The following DLGAP2 variants were observed in gnomAD, a reference collection of about 807,000 sequenced individuals.
The protein encoded by DLGAP2 is disks large-associated protein 2.
A neutral mutation model predicts 100.3 loss-of-function variants in DLGAP2; 26 were observed. The observed-to-expected ratio is 0.26, with a 90% CI of 0.19 to 0.36. The LOEUF (loss-of-function observed/expected upper bound fraction) is 0.36, where lower values mean the gene tolerates loss of function less well. DLGAP2 is among the 10% of genes least tolerant of loss of function. DLGAP2 has a pLI of 1.00. For synonymous variants in DLGAP2, 886 were observed against 630.1 expected (o/e 1.41, Z -6.08); for missense variants, 1,858 against 1,453.2 (o/e 1.28, Z -4.53).
chr8:762,834 C>T (rs1321851601), intron 1 of DLGAP2, among the ~76,000 whole-genome samples: 1 of 152,062 alleles, frequency 6.6e-6, no homozygotes, highest in East Asian at 1.9e-4. Flanking sequence ...CACACCACTA[C>T]ACCAGGCTAG....
At chr8:1,466,240 G>T (rs1019431110) in intron 3 of DLGAP2, among the ~76,000 whole-genome samples, 1 of 152,120 alleles carries the variant, frequency 6.6e-6, no homozygotes, top group Admixed American at 6.5e-5. Context: ...CACAGAGTGG[G>T]CTTTGCTTTT....
chr8:1,153,460 C>G (rs937324843), intron 2 of DLGAP2, among the ~76,000 whole-genome samples: 6 of 152,150 alleles, frequency 3.9e-5, no homozygotes, highest in Non-Finnish European at 8.8e-5. Flanking sequence ...AGAAAGCTTA[C>G]CAGTCGCGTG....
At chr8:1,080,440 C>G (rs1803767967) in intron 2 of DLGAP2, among the ~76,000 whole-genome samples, 1 of 152,360 alleles carries the variant, frequency 6.6e-6, no homozygotes, top group East Asian at 1.9e-4. Flanking sequence ...AGCCTGTGCA[C>G]TCTGTGCTCA....
At chr8:1,166,409 C>A (rs1180335300) in intron 2 of DLGAP2, among the ~76,000 whole-genome samples, 1 of 152,228 alleles carries the variant, frequency 6.6e-6, no homozygotes, top group Non-Finnish European at 1.5e-5. Context: ...GATTTGACTT[C>A]TGATAGCTCA....
intron 2 of DLGAP2, among the ~76,000 whole-genome samples, chr8:1,100,738 C>T (rs1262129044): frequency 1.3e-5 from 2 of 152,186 alleles, no homozygotes; most frequent in African/African-American, 4.8e-5. Context: ...TCTCTTTCCA[C>T]GCATGATCTG....
chr8:835,182 C>T (rs544738143), intron 1 of DLGAP2, among the ~76,000 whole-genome samples: 1 of 152,242 alleles, frequency 6.6e-6, no homozygotes, highest in East Asian at 1.9e-4. Flanking sequence ...ATTGAATTCA[C>T]CAAACAACTG....
intron 2 of DLGAP2, among the ~76,000 whole-genome samples, chr8:1,243,369 C>T (rs1240307899): frequency 6.6e-6 from 1 of 152,190 alleles, no homozygotes; most frequent in Non-Finnish European, 1.5e-5. Context: ...CATACACCTA[C>T]AAACCCAGAC....
intron 2 of DLGAP2, among the ~76,000 whole-genome samples, chr8:1,120,346 T>C (rs945406349): frequency 1.3e-5 from 2 of 152,120 alleles, no homozygotes; most frequent in Non-Finnish European, 2.9e-5. Context: ...ATGAGAACAA[T>C]ACGAAGGGGC....
At chr8:824,401 C>T (rs751996056) in intron 1 of DLGAP2, among the ~76,000 whole-genome samples, 4 of 152,164 alleles carry the variant, frequency 2.6e-5, no homozygotes, top group Admixed American at 6.5e-5. Flanking sequence ...TTCTCTGGTT[C>T]AGCACAGCCC....
chr8:1,293,364 T>C (rs1419574808), intron 3 of DLGAP2, among the ~76,000 whole-genome samples: 2 of 151,946 alleles, frequency 1.3e-5, no homozygotes, highest in Non-Finnish European at 2.9e-5. Context: ...GCCTCCCTTT[T>C]CTGGGCTCCC....
intron 1 of DLGAP2, among the ~76,000 whole-genome samples, chr8:760,692 A>G (rs913726359): frequency 2.6e-5 from 4 of 152,180 alleles, no homozygotes; most frequent in African/African-American, 9.7e-5. Flanking sequence ...GTGTTCTAGA[A>G]ACTCACAAAG....
intron 2 of DLGAP2, among the ~76,000 whole-genome samples, chr8:966,242 G>A (rs1353392551): frequency 6.6e-6 from 1 of 152,214 alleles, no homozygotes; most frequent in Non-Finnish European, 1.5e-5. Context: ...CGTTTTCCCA[G>A]GAAGTGTTTA....
At chr8:860,689 C>T (rs1033753370) in intron 1 of DLGAP2, among the ~76,000 whole-genome samples, 1 of 152,108 alleles carries the variant, frequency 6.6e-6, no homozygotes, top group African/African-American at 2.4e-5. Flanking sequence ...GATAAATGTC[C>T]TTTCATTCAC....
intron 3 of DLGAP2, chr8:1,259,654 G>A (rs1156410719): frequency 6.6e-6 from 1 of 152,204 alleles, no homozygotes; most frequent in Non-Finnish European, 1.5e-5. Context: ...GCCCAGCCCA[G>A]CTCTGCTTCC....
rs187805068 is a variant in DLGAP2 at position 1,507,725 on chromosome 8, T to C, written c.172+6294T>C. Among the ~76,000 whole-genome samples the C allele has an allele frequency of 2.5e-3, 364 of 145,528 alleles. 1 individual carries two copies. Among genetic ancestry groups the C allele is most frequent in the African/African-American group, 9.3e-3 (339 of 36,558 alleles). On this transcript the variant is annotated intron_variant, in intron 4 of 14. Transcript: ENST00000637795. Reference sequence around the variant, plus strand: ...GAAGGTAGCAGTCCACCCTCCTGTCTCCCAGGCATTCGTTCACCCAGGTCC... The same window carrying C: ...GAAGGTAGCAGTCCACCCTCCTGTCCCCCAGGCATTCGTTCACCCAGGTCC...
intron 1 of DLGAP2, among the ~76,000 whole-genome samples, chr8:864,313 C>CA (rs999472805): frequency 4.6e-5 from 7 of 151,910 alleles, no homozygotes; most frequent in Non-Finnish European, 8.8e-5. Context: ...CGGTATGTCC[C>CA]AAAATAGAAG....
intron 1 of DLGAP2, among the ~76,000 whole-genome samples, chr8:854,706 C>T (rs116016638): frequency 0.012 from 1,791 of 152,084 alleles, 34 homozygotes; most frequent in African/African-American, 0.041. Context: ...GGTGAGGGGA[C>T]ATGGAGGGCC....
intron 1 of DLGAP2, among the ~76,000 whole-genome samples, chr8:772,428 T>C (rs1448767408): frequency 6.6e-6 from 1 of 152,164 alleles, no homozygotes; most frequent in Non-Finnish European, 1.5e-5. Flanking sequence ...GTTCAAGTGA[T>C]GCCCCAGCTG....
chr8:898,353 G>A (rs560073063), intron 1 of DLGAP2, among the ~76,000 whole-genome samples: 11 of 152,154 alleles, frequency 7.2e-5, no homozygotes, highest in Non-Finnish European at 1.5e-4. Flanking sequence ...CAAAGCACAC[G>A]CATCTCCTCG....
Sources: gnomAD v4.1 joint callset for allele counts (sites outside exome capture counted in the v4.1 genomes callset) on GRCh38, gnomAD v4.1.1 for gene constraint, MANE v1.5 for transcripts, NCBI Gene and HGNC (gene_info 2026-07-23, HGNC 2026-07-21) for gene names.